Variants in CTDSP1 observed in about 807,000 individuals in gnomAD.
CTDSP1 encodes the protein carboxy-terminal domain RNA polymerase II polypeptide A small phosphatase 1.
CTDSP1 carries 15 observed loss-of-function variants against 32.5 expected under a neutral mutation model. The ratio of observed to expected loss-of-function variants is 0.46; its 90% CI spans 0.31 to 0.71. CTDSP1 has a LOEUF of 0.71. Among genes scored for constraint, CTDSP1 ranks in the 30% least tolerant of loss-of-function variants. CTDSP1 has a pLI of 0.05. For synonymous variants in CTDSP1, 185 were observed against 145.4 expected (o/e 1.27, Z -1.96); for missense variants, 294 against 351.1 (o/e 0.84, Z 1.30).
upstream of CTDSP1, chr2:218,396,525 T>G (rs1696781735): frequency 1.3e-5 from 2 of 152,408 alleles, no homozygotes; most frequent in South Asian, 4.1e-4. Flanking sequence ...GTCCGGACGC[T>G]TGTTTATGAG....
chr2:218,398,180 C>G (rs1268183930), upstream of CTDSP1: 3 of 545,012 alleles, frequency 5.5e-6, no homozygotes, highest in Non-Finnish European at 9.8e-6. Flanking sequence ...AGGCCCCACC[C>G]AGGGGGCCGG....
intron 6 of CTDSP1, 53 bp downstream of exon 6, chr2:218,403,470 T>C: frequency 6.7e-7 from 1 of 1,490,612 alleles, no homozygotes; most frequent in Non-Finnish European, 9.0e-7. Flanking sequence ...CAGGAAGGGG[T>C]CAGTCCATTC....
upstream of CTDSP1, among the ~76,000 whole-genome samples, chr2:218,397,851 C>T (rs558546553): frequency 6.6e-6 from 1 of 152,182 alleles, no homozygotes; most frequent in Non-Finnish European, 1.5e-5. Context: ...GCAGAAGGCG[C>T]GGCTACCTCT....
At chr2:218,402,699 T>G (rs1233068699) in intron 4 of CTDSP1, 4 of 762,666 alleles carry the variant, frequency 5.2e-6, no homozygotes, top group Non-Finnish European at 9.8e-6. Context: ...CAGCCTGTTC[T>G]CCATTACTTG....
At chr2:218,400,279 C>A in intron 1 of CTDSP1, 122 bp downstream of exon 1, 5 of 881,992 alleles carry the variant, frequency 5.7e-6, no homozygotes, top group Non-Finnish European at 8.7e-6. Context: ...GTGCCCGAAG[C>A]TCCCAGCCCG....
chr2:218,400,573 G>T (rs1472140138), intron 1 of CTDSP1: 2 of 375,450 alleles, frequency 5.3e-6, no homozygotes, highest in Non-Finnish European at 1.0e-5. Flanking sequence ...CTGCGGTCCG[G>T]TAGGGTCTTG....
At chr2:218,398,554 A>G (rs2695344), upstream of CTDSP1, 1,068,963 of 1,072,710 alleles carry the variant, frequency 1, 532,728 homozygotes, top group East Asian at 1. Context: ...CTTCTGGCAG[A>G]CGCCGCTCCC....
At chr2:218,398,213 C>A, upstream of CTDSP1, 1 of 580,372 alleles carries the variant, frequency 1.7e-6, no homozygotes, top group Non-Finnish European at 3.1e-6. Flanking sequence ...ACAGATGTCC[C>A]GCTCCCAGGC....
Position 218,404,830 on chromosome 2 carries a change from A to G in CTDSP1, c.*405A>G, listed in dbSNP as rs747085491. On this transcript the variant is annotated 3_prime_UTR_variant, in exon 7 of 7. Coordinates refer to ENST00000273062, the MANE Select transcript of CTDSP1 (RefSeq NM_021198.3). ...GAACGGTGGACATCAAGTGCCTTGC[A>G]TAGAGCCCCCTCTTCCCCGCCCAGC... 4.1e-4 allele frequency: 69 copies of G among 169,518 alleles called. No homozygotes were observed. The highest frequency in any genetic ancestry group is 1.0e-3 in the South Asian group (7 of 6,992). The allele number at this position is 169,518 out of a possible 1,614,324, so 10.5% of individuals were successfully genotyped here.
At chr2:218,403,705 T>C in intron 6 of CTDSP1, 1 of 352,820 alleles carries the variant, frequency 2.8e-6, no homozygotes, top group Non-Finnish European at 5.1e-6. Context: ...TGTGACCTAC[T>C]GATGGCCCAC....
intron 1 of CTDSP1, chr2:218,401,330 T>C: frequency 1.7e-6 from 1 of 574,090 alleles, no homozygotes; most frequent in East Asian, 3.0e-5. Context: ...GCACTCCCTA[T>C]GTGGGCGCCT....
intron 1 of CTDSP1, 110 bp downstream of exon 1, chr2:218,400,267 C>T (rs986251159): frequency 1.4e-5 from 14 of 1,004,116 alleles, no homozygotes; most frequent in Admixed American, 7.6e-5. Context: ...GCCGCCTTAG[C>T]TGTGCCCGAA....
Position 218,404,875 on chromosome 2 carries a change from T to C in CTDSP1, c.*450T>C, listed in dbSNP as rs1283999049. Reference sequence around the variant, plus strand: ...CCCAGCTTTCCCAGGGGCACAGCTCTAGGCTGGGAGGGGAGAACCAGCCCC... The same window carrying C: ...CCCAGCTTTCCCAGGGGCACAGCTCCAGGCTGGGAGGGGAGAACCAGCCCC... On this transcript the variant is annotated 3_prime_UTR_variant, in exon 7 of 7. Coordinates refer to ENST00000273062, the MANE Select transcript of CTDSP1 (RefSeq NM_021198.3). The C allele has an allele frequency of 6.4e-6, 1 of 156,204 alleles. No individual in the cohort carries two copies. The highest frequency in any genetic ancestry group is 1.9e-4 in the East Asian group (1 of 5,398). The allele number at this position is 156,204 out of a possible 1,614,324, so 9.7% of individuals were successfully genotyped here.
Position 218,403,311 on chromosome 2 carries a change from A to G in CTDSP1, c.551A>G (p.His184Arg), listed in dbSNP as rs1232540573. The change falls in exon 6 of 7, where the codon CAC becomes CGC. Residue 184 changes from histidine (H) to arginine (R), a missense_variant. By Grantham distance (29) the His-to-Arg change is conservative. This residue lies in a region of CTDSP1 where 146 missense variants were observed against 237.7 expected (regional missense o/e 0.61). Transcript: ENST00000273062. ...ARLFRESCVF[H>R]RGNYVKDLSR... ...CTGTTTCGAGAGTCCTGCGTCTTCCACCGGGGGAACTACGTGAAGGACCTG... is the reference window on the plus strand; with the variant it reads ...CTGTTTCGAGAGTCCTGCGTCTTCCGCCGGGGGAACTACGTGAAGGACCTG... The G allele has an allele frequency of 6.2e-7, 1 of 1,614,110 alleles. No individual in the cohort carries two copies. Among genetic ancestry groups the G allele is most frequent in the Non-Finnish European group, 8.5e-7 (1 of 1,180,012 alleles).
intron 1 of CTDSP1, chr2:218,400,717 G>A (rs760938175): frequency 2.2e-6 from 1 of 455,888 alleles, no homozygotes; most frequent in African/African-American, 2.0e-5. Context: ...GAGGACGGCC[G>A]GCACTTCCAA....
chr2:218,401,738 G>T, intron 2 of CTDSP1, 26 bp downstream of exon 2: 3 of 1,529,494 alleles, frequency 2.0e-6, no homozygotes, highest in Admixed American at 2.1e-5. Flanking sequence ...GTGGGGCCAC[G>T]GGGGCACCTG....
intron 2 of CTDSP1, 100 bp downstream of exon 2, chr2:218,401,812 G>A: frequency 8.4e-7 from 1 of 1,190,074 alleles, no homozygotes; most frequent in Non-Finnish European, 1.1e-6. Flanking sequence ...TGGACTTGCA[G>A]ACCTGAAAGG....
At chr2:218,397,735 T>C (rs1696891386), upstream of CTDSP1, among the ~76,000 whole-genome samples, 1 of 152,004 alleles carries the variant, frequency 6.6e-6, no homozygotes, top group Admixed American at 6.5e-5. Flanking sequence ...ACCCCTACAG[T>C]GAGGACACTC....
At position 218,400,496 on chromosome 2, in the gene CTDSP1, G is replaced by A. The variant is rs560150820; in HGVS notation, c.67+339G>A. The A allele has an allele frequency of 2.1e-4, 89 of 417,546 alleles. No homozygotes were observed. The East Asian group carries it at 3.7e-3, about 17-fold the overall frequency. 25.9% of individuals were successfully genotyped at this position (417,546 alleles called of 1,614,324 possible). On this transcript the variant is annotated intron_variant, in intron 1 of 6. Transcript: ENST00000273062. ...GCCAATGGGGCTGGGAGATGGGGGA[G>A]CTGAGGAGGGCGCCTATGGGCCACC...
Sources: gnomAD v4.1 joint callset for allele counts (sites outside exome capture counted in the v4.1 genomes callset) on GRCh38, gnomAD v4.1.1 for gene constraint, gnomAD v4.1.1 regional missense constraint, MANE v1.5 for transcripts, NCBI Gene and HGNC (gene_info 2026-07-23, HGNC 2026-07-21) for gene names.